The following GRIP1 variants were observed in gnomAD, a reference collection of about 807,000 sequenced individuals.
GRIP1 encodes glutamate receptor-interacting protein 1.
Under a neutral mutation model 129.9 loss-of-function variants are expected in GRIP1, and 45 were observed. That is an observed-to-expected ratio of 0.35 (90% CI 0.27 to 0.44). The LOEUF (loss-of-function observed/expected upper bound fraction) is 0.44, where lower values mean the gene tolerates loss of function less well. GRIP1 is among the 20% of genes least tolerant of loss of function. The probability of loss-of-function intolerance (pLI) is 1.00; values close to 1 mark genes in which losing one functional copy is unlikely to be tolerated. For missense variants in GRIP1, 1,196 were observed against 1,396.8 expected (o/e 0.86, Z 2.29); for synonymous variants, 530 against 520.8 (o/e 1.02, Z -0.24).
At chr12:66,638,704 T>G (rs1338264741) in intron 1 of GRIP1, among the ~76,000 whole-genome samples, 1 of 152,162 alleles carries the variant, frequency 6.6e-6, no homozygotes, top group Non-Finnish European at 1.5e-5. Flanking sequence ...TCTTTAAAGG[T>G]CAGATCATCA....
chr12:66,709,743 C>T (rs2035653547), intron 1 of GRIP1, among the ~76,000 whole-genome samples: 1 of 151,942 alleles, frequency 6.6e-6, no homozygotes, highest in Non-Finnish European at 1.5e-5. Context: ...AATGTCAGTA[C>T]TCACCTAAGT....
At chr12:66,431,650 A>G (rs1377480987) in intron 14 of GRIP1, among the ~76,000 whole-genome samples, 8 of 152,074 alleles carry the variant, frequency 5.3e-5, no homozygotes, top group Non-Finnish European at 1.0e-4. Flanking sequence ...TCTTGAAGAA[A>G]CCAGCTCTTG....
rs547706592 is a variant in GRIP1 at position 66,736,346 on chromosome 12, A to ATTTTTTTTT, written c.-420+67698_-420+67706dup. Among the ~76,000 whole-genome samples the ATTTTTTTTT allele has an allele frequency of 5.5e-4, 37 of 67,016 alleles. 3 individuals carry two copies. Among genetic ancestry groups the ATTTTTTTTT allele is most frequent in the Non-Finnish European group, 8.5e-4 (31 of 36,458 alleles). 44.0% of individuals were successfully genotyped at this position (67,016 alleles called of 152,430 possible). ...AGGTGTGCACCACCGTGCCTGGCTA[A>ATTTTTTTTT]TTTTTTTTTTTTTTTTTTTTTTTTT... On this transcript the variant is annotated intron_variant, in intron 1 of 4. Transcript: ENST00000538373.
intron 1 of GRIP1, among the ~76,000 whole-genome samples, chr12:66,945,659 G>GC (rs1284057062): frequency 6.6e-6 from 1 of 152,132 alleles, no homozygotes; most frequent in Non-Finnish European, 1.5e-5. Context: ...TGAGGGATCT[G>GC]CCCCCATGAC....
chr12:66,809,915 CA>C (rs1192099175), intron 1 of GRIP1, among the ~76,000 whole-genome samples: 8 of 152,198 alleles, frequency 5.3e-5, no homozygotes, highest in African/African-American at 1.9e-4. Context: ...CTTGGCCTCC[CA>C]AAGTGCTGGG....
chr12:66,976,861 T>C (rs910927907), intron 1 of GRIP1, among the ~76,000 whole-genome samples: 1 of 152,212 alleles, frequency 6.6e-6, no homozygotes, highest in Non-Finnish European at 1.5e-5. Context: ...CTTTACTGCC[T>C]TAATATTCTC....
rs201932670 is a variant in GRIP1, at chr12:66,394,258, C to A, written c.2079G>T (p.Pro693=). 1.2e-6 allele frequency: 2 copies of A among 1,613,972 alleles called. No homozygotes were observed. The highest frequency in any genetic ancestry group is 1.7e-6 in the Non-Finnish European group (2 of 1,179,876). The change falls in exon 17 of 25, where the codon CCG becomes CCT. Residue 693 remains proline (P), a synonymous_variant. Transcript: ENST00000359742. ...GGCTTGAAATGATTATAGGATCAAACGGCTCTTCAGTTCCTGAAATTGTGA... is the reference window on the plus strand; with the variant it reads ...GGCTTGAAATGATTATAGGATCAAAAGGCTCTTCAGTTCCTGAAATTGTGA... ...LGITISGTEE[P]FDPIIISSLT...
intron 1 of GRIP1, among the ~76,000 whole-genome samples, chr12:67,020,333 T>A (rs1407747734): frequency 6.6e-6 from 1 of 152,184 alleles, no homozygotes. Context: ...CTAAAAACAT[T>A]TAAATGTCAC....
intron 7 of GRIP1, among the ~76,000 whole-genome samples, chr12:66,508,981 AATG>A (rs1266714203): frequency 6.6e-6 from 1 of 152,234 alleles, no homozygotes; most frequent in Non-Finnish European, 1.5e-5. Flanking sequence ...TGGTGTTCAG[AATG>A]ATGTTCTTGA....
chr12:66,357,239 C>G (rs1457702120), intron 23 of GRIP1, among the ~76,000 whole-genome samples: 1 of 152,092 alleles, frequency 6.6e-6, no homozygotes, highest in Non-Finnish European at 1.5e-5. Flanking sequence ...CACACACTAC[C>G]TCTGTGTTAA....
chr12:66,353,742 G>T (rs2054345931), intron 23 of GRIP1, among the ~76,000 whole-genome samples, 179 bp from the exon 24 acceptor site: 1 of 152,096 alleles, frequency 6.6e-6, no homozygotes, highest in Non-Finnish European at 1.5e-5. Context: ...AATATCTTTG[G>T]ACTTTATGAA....
chr12:66,697,290 A>G (rs1592752466), intron 1 of GRIP1, among the ~76,000 whole-genome samples: 1 of 152,212 alleles, frequency 6.6e-6, no homozygotes, highest in African/African-American at 2.4e-5. Flanking sequence ...TATAAAAATG[A>G]CAATGACCTT....
intron 3 of GRIP1, among the ~76,000 whole-genome samples, chr12:66,540,107 T>TA (rs1308970917): frequency 1.3e-5 from 2 of 152,230 alleles, no homozygotes; most frequent in Non-Finnish European, 2.9e-5. Flanking sequence ...TCCTGACACT[T>TA]ATGTCAACTT....
At chr12:67,023,826 C>A (rs1338923912) in intron 1 of GRIP1, among the ~76,000 whole-genome samples, 2 of 152,156 alleles carry the variant, frequency 1.3e-5, no homozygotes, top group Non-Finnish European at 2.9e-5. Context: ...AAACCAGGGG[C>A]ACAGTGTCTC....
intron 2 of GRIP1, among the ~76,000 whole-genome samples, chr12:66,564,315 C>T (rs12226962): frequency 0.13 from 17,879 of 140,436 alleles, 1,200 homozygotes; most frequent in East Asian, 0.19. Context: ...TGTGATGTTC[C>T]CTACCCTGTG....
At chr12:67,000,570 C>T (rs1334674374) in intron 1 of GRIP1, among the ~76,000 whole-genome samples, 1 of 152,206 alleles carries the variant, frequency 6.6e-6, no homozygotes, top group Non-Finnish European at 1.5e-5. Context: ...GTTAGCTTTG[C>T]ACTCTAATTT....
intron 1 of GRIP1, among the ~76,000 whole-genome samples, chr12:66,688,594 A>C (rs2034863883): frequency 1.3e-5 from 2 of 152,086 alleles, no homozygotes. Context: ...CAAATCTCAA[A>C]GGTTTCTGCT....
chr12:66,480,399 AG>A (rs1351814593), intron 7 of GRIP1, among the ~76,000 whole-genome samples: 1 of 152,206 alleles, frequency 6.6e-6, no homozygotes, highest in African/African-American at 2.4e-5. Context: ...CCACTGCTCA[AG>A]AAAATAAGAG....
At chr12:66,561,836 G>A (rs1323334653) in intron 2 of GRIP1, among the ~76,000 whole-genome samples, 1 of 152,178 alleles carries the variant, frequency 6.6e-6, no homozygotes, top group South Asian at 2.1e-4. Flanking sequence ...GCTCATGCCT[G>A]TAATCCTAGT....
Sources: allele counts gnomAD v4.1 joint callset (sites outside exome capture counted in the v4.1 genomes callset), GRCh38; gene constraint gnomAD v4.1.1; transcripts MANE v1.5; gene names NCBI Gene and HGNC (gene_info 2026-07-23, HGNC 2026-07-21).